The following USP15 variants were observed in gnomAD, a reference collection of about 807,000 sequenced individuals.
The protein encoded by USP15 is ubiquitin carboxyl-terminal hydrolase 15.
USP15 carries 18 observed loss-of-function variants against 127.1 expected under a neutral mutation model. The ratio of observed to expected loss-of-function variants is 0.14; its 90% CI spans 0.10 to 0.21. USP15 has a LOEUF of 0.21. USP15 is among the 10% of genes least tolerant of loss of function. The probability of loss-of-function intolerance (pLI) is 1.00; values close to 1 mark genes in which losing one functional copy is unlikely to be tolerated. For missense variants in USP15, 805 were observed against 1,159.9 expected, an observed-to-expected ratio of 0.69 and a Z score of 4.44; for synonymous variants, 364 against 393.7, an observed-to-expected ratio of 0.92 and a Z score of 0.89.
At chr12:62,368,305 T>G (rs2066546385) in intron 8 of USP15, among the ~76,000 whole-genome samples, 1 of 152,146 alleles carries the variant, frequency 6.6e-6, no homozygotes, top group African/African-American at 2.4e-5. Context: ...GGTGGAGAGT[T>G]CTGTAAATGT....
rs2063822658 is a variant in USP15 at position 62,287,588 on chromosome 12, A to G, written c.90-6591A>G. On this transcript the variant is annotated intron_variant, in intron 1 of 21. Coordinates refer to ENST00000280377, the MANE Select transcript of USP15 (RefSeq NM_001252078.2). ...CAGTTAAACTAAGTCACTTTTGTCT[A>G]TTTTTGTTTTTTGTTGGATTTGTTT... Among the ~76,000 whole-genome samples the G allele has an allele frequency of 2.6e-5, 4 of 152,056 alleles. No homozygotes were observed. In the South Asian group the frequency reaches 8.3e-4, roughly 32 times the overall value.
chr12:62,300,210 C>G (rs547688115), intron 2 of USP15, among the ~76,000 whole-genome samples: 1 of 152,100 alleles, frequency 6.6e-6, no homozygotes, highest in Non-Finnish European at 1.5e-5. Context: ...GAGAGCATTG[C>G]TGAAACCAAG....
At chr12:62,377,584 G>T (rs548356226) in intron 8 of USP15, among the ~76,000 whole-genome samples, 1 of 152,076 alleles carries the variant, frequency 6.6e-6, no homozygotes, top group East Asian at 1.9e-4. Context: ...GCCAGGCATG[G>T]TGGCACGTGC....
At chr12:62,347,462 G>A (rs1319523940) in intron 6 of USP15, among the ~76,000 whole-genome samples, 1 of 151,406 alleles carries the variant, frequency 6.6e-6, no homozygotes, top group Non-Finnish European at 1.5e-5. Flanking sequence ...AGATTCAGGG[G>A]AACATTCGAT....
intron 11 of USP15, among the ~76,000 whole-genome samples, chr12:62,384,622 A>G (rs2067091626): frequency 8.6e-6 from 1 of 116,396 alleles, no homozygotes; most frequent in Admixed American, 8.9e-5. Context: ...TTAAACTTCA[A>G]CTTTCTTTAG....
intron 20 of USP15, among the ~76,000 whole-genome samples, chr12:62,398,887 G>C (rs1179278967): frequency 6.6e-6 from 1 of 152,150 alleles, no homozygotes; most frequent in Non-Finnish European, 1.5e-5. Flanking sequence ...TGATTGACCT[G>C]CTTCTCCCAG....
chr12:62,398,768 C>A (rs913531533), intron 20 of USP15, among the ~76,000 whole-genome samples: 1 of 152,150 alleles, frequency 6.6e-6, no homozygotes, highest in Admixed American at 6.5e-5. Flanking sequence ...TTCTTTATAT[C>A]TCTGATAATT....
In USP15 at chr12:62,408,141, C is replaced by A. The variant is rs896347341; in HGVS notation, c.*3766C>A. The A allele has an allele frequency of 8.5e-5, 13 of 152,132 alleles. No homozygotes were observed. Among genetic ancestry groups the A allele is most frequent in the Non-Finnish European group, 1.9e-4 (13 of 67,996 alleles). The allele number at this position is 152,132 out of a possible 1,614,324, so 9.4% of individuals were successfully genotyped here. A position where few individuals can be genotyped will look rare whatever the true frequency, so the allele number is the denominator to read the frequency against. ...ATAAGCCGGGAGACTGAAATGGAGT[C>A]TCCTTCAGTGGTACACCAAAGGGAG... is the stretch of plus-strand genomic sequence containing the variant. On this transcript the variant is annotated 3_prime_UTR_variant, in exon 22 of 22. Coordinates refer to ENST00000280377, the MANE Select transcript of USP15 (RefSeq NM_001252078.2).
chr12:62,355,131 G>T (rs2066080195), intron 7 of USP15, 200 bp from the exon 8 acceptor site: 5 of 423,662 alleles, frequency 1.2e-5, no homozygotes, highest in Non-Finnish European at 2.1e-5. Context: ...GAGTTATTTT[G>T]TTGATTGGAT....
At chr12:62,374,527 A>G (rs2066764974) in intron 8 of USP15, 3 of 985,736 alleles carry the variant, frequency 3.0e-6, no homozygotes, top group Non-Finnish European at 3.6e-6. Flanking sequence ...TACTTTGGCT[A>G]TTTTCCAGGT....
intron 2 of USP15, among the ~76,000 whole-genome samples, chr12:62,300,169 T>C (rs1321687563): frequency 6.6e-6 from 1 of 152,162 alleles, no homozygotes; most frequent in Admixed American, 6.6e-5. Context: ...ATTTGCCTTT[T>C]TTTTCTTTGT....
intron 2 of USP15, chr12:62,294,787 C>T (rs1005626418): frequency 6.4e-6 from 1 of 156,802 alleles, no homozygotes; most frequent in Admixed American, 6.5e-5. Context: ...CTACAACCCT[C>T]ACTACTTGCC....
chr12:62,303,016 C>A, intron 3 of USP15, 96 bp downstream of exon 3: 1 of 1,424,726 alleles, frequency 7.0e-7, no homozygotes, highest in Non-Finnish European at 9.5e-7. Context: ...CATCACTTAT[C>A]TTAGAGAAAA....
chr12:62,349,350 C>G (rs1181813331), intron 7 of USP15, 43 bp downstream of exon 7: 15 of 1,287,986 alleles, frequency 1.2e-5, no homozygotes, highest in Non-Finnish European at 1.5e-5. Context: ...ATTGATCACC[C>G]TATTATGGTT....
Position 62,404,956 on chromosome 12 carries a change from A to G in USP15, c.*581A>G, listed in dbSNP as rs1028514708. On this transcript the variant is annotated 3_prime_UTR_variant, in exon 22 of 22. Transcript: ENST00000280377. ...TCATGATACAAGAAACAACCTTGGA[A>G]AAGTTATTTCCCTTTGTAATACCTT... 6.6e-6 allele frequency: 1 copy of G among 152,126 alleles called. No homozygotes were observed. Among genetic ancestry groups the G allele is most frequent in the Non-Finnish European group, 1.5e-5 (1 of 68,008 alleles). 9.4% of individuals were successfully genotyped at this position (152,126 alleles called of 1,614,324 possible).
chr12:62,392,424 T>C (rs2067353300), intron 18 of USP15, 37 bp downstream of exon 18: 1 of 1,466,310 alleles, frequency 6.8e-7, no homozygotes, highest in Admixed American at 2.1e-5. Flanking sequence ...TTTGTTTTCT[T>C]TAAGGATTTA....
intron 8 of USP15, among the ~76,000 whole-genome samples, chr12:62,373,061 T>C (rs983767446): frequency 1.6e-4 from 25 of 152,124 alleles, no homozygotes; most frequent in African/African-American, 6.0e-4. Context: ...GTCCTAGTCT[T>C]CTAGCCTTTT....
chr12:62,365,665 C>T (rs2066453902), intron 8 of USP15, among the ~76,000 whole-genome samples: 1 of 152,142 alleles, frequency 6.6e-6, no homozygotes, highest in Admixed American at 6.5e-5. Context: ...AGGTTTTCTT[C>T]TAGGATTTTT....
Position 62,306,313 on chromosome 12 carries a change from T to C in USP15, c.348+3393T>C, listed in dbSNP as rs1048506348. On this transcript the variant is annotated intron_variant, in intron 3 of 21. Transcript: ENST00000280377. ...TGGTACCTGTAAATAGGTGCTGATA[T>C]GAAAACTTGAAATGTGGCGTGGCTT... is the stretch of plus-strand genomic sequence containing the variant. Among the ~76,000 whole-genome samples the C allele has an allele frequency of 2.6e-5, 4 of 152,186 alleles. No homozygotes were observed. The South Asian group carries it at 6.2e-4, about 24-fold the overall frequency.
Sources: gnomAD v4.1 joint callset for allele counts (sites outside exome capture counted in the v4.1 genomes callset) on GRCh38, gnomAD v4.1.1 for gene constraint, MANE v1.5 for transcripts, NCBI Gene and HGNC (gene_info 2026-07-23, HGNC 2026-07-21) for gene names.